Variants in FAM204A observed in about 807,000 individuals in gnomAD.
FAM204A encodes the protein family with sequence similarity 204 member A, also known as protein FAM204A.
A neutral mutation model predicts 35.4 loss-of-function variants in FAM204A; 16 were observed. The observed-to-expected ratio is 0.45, with a 90% CI of 0.31 to 0.69. The LOEUF is 0.69. Ranked by LOEUF, FAM204A falls within the 30% of genes least tolerant of loss-of-function variation. The pLI is 0.07. For synonymous variants in FAM204A, 76 were observed against 86.9 expected, an observed-to-expected ratio of 0.88 and a Z score of 0.70; for missense variants, 240 against 265.7, an observed-to-expected ratio of 0.90 and a Z score of 0.67.
At chr10:118,340,541 T>C (rs1313808128) in intron 2 of FAM204A, among the ~76,000 whole-genome samples, 2 of 152,198 alleles carry the variant, frequency 1.3e-5, no homozygotes, top group African/African-American at 2.4e-5. Context: ...CCATTCTCTC[T>C]AGCACTGCAA....
intron 6 of FAM204A, among the ~76,000 whole-genome samples, chr10:118,331,990 AT>A (rs1846296467): frequency 6.6e-6 from 1 of 151,020 alleles, no homozygotes; most frequent in African/African-American, 2.4e-5. Flanking sequence ...CCTGGCCAAT[AT>A]GGTGAATCCC....
At chr10:118,330,628 A>C (rs1846274120) in intron 6 of FAM204A, among the ~76,000 whole-genome samples, 1 of 152,204 alleles carries the variant, frequency 6.6e-6, no homozygotes, top group Admixed American at 6.5e-5. Context: ...TCTTTCTGAC[A>C]ATTTATTTAA....
intron 7 of FAM204A, among the ~76,000 whole-genome samples, chr10:118,315,188 T>TA (rs1412234147): frequency 1.3e-5 from 2 of 152,166 alleles, no homozygotes; most frequent in East Asian, 3.8e-4. Context: ...TTAGCGTGTG[T>TA]AAATCATATT....
chr10:118,340,831 C>A (rs558908757), intron 2 of FAM204A, among the ~76,000 whole-genome samples: 1 of 152,102 alleles, frequency 6.6e-6, no homozygotes, highest in Admixed American at 6.5e-5. Flanking sequence ...CCCCTACCCG[C>A]CCCGCCCCCA....
At chr10:118,330,676 C>T (rs1846274522) in intron 6 of FAM204A, among the ~76,000 whole-genome samples, 1 of 152,148 alleles carries the variant, frequency 6.6e-6, no homozygotes, top group Non-Finnish European at 1.5e-5. Flanking sequence ...TGAAAAACTC[C>T]TGGTTCCATG....
At chr10:118,316,872 G>A (rs1846040024) in intron 7 of FAM204A, among the ~76,000 whole-genome samples, 1 of 151,938 alleles carries the variant, frequency 6.6e-6, no homozygotes, top group Admixed American at 6.6e-5. Flanking sequence ...TCCAAAGGAG[G>A]GAGAAGATGA....
intron 7 of FAM204A, among the ~76,000 whole-genome samples, chr10:118,314,559 T>C (rs1846001405): frequency 6.6e-6 from 1 of 152,174 alleles, no homozygotes; most frequent in Non-Finnish European, 1.5e-5. Context: ...AATATCGTGC[T>C]GTGCTGCAGT....
chr10:118,322,944 G>A (rs960276482), intron 7 of FAM204A, among the ~76,000 whole-genome samples: 3 of 152,072 alleles, frequency 2.0e-5, no homozygotes, highest in Non-Finnish European at 2.9e-5. Flanking sequence ...CTAATAAGCA[G>A]AAAAAGATAA....
intron 2 of FAM204A, among the ~76,000 whole-genome samples, chr10:118,338,645 T>C (rs1846424677): frequency 1.3e-5 from 2 of 152,218 alleles, no homozygotes; most frequent in Admixed American, 6.5e-5. Flanking sequence ...GCTATACACA[T>C]AGCAAGTTTC....
intron 2 of FAM204A, among the ~76,000 whole-genome samples, chr10:118,337,960 C>G (rs1002070834): frequency 1.3e-5 from 2 of 152,160 alleles, no homozygotes; most frequent in East Asian, 1.9e-4. Context: ...GCAACTGATG[C>G]AATCATTTGC....
intron 7 of FAM204A, among the ~76,000 whole-genome samples, chr10:118,324,784 C>G (rs1333491294): frequency 1.3e-5 from 2 of 152,056 alleles, no homozygotes; most frequent in Non-Finnish European, 2.9e-5. Context: ...AATGTAAATG[C>G]ACTTAATTCT....
intron 3 of FAM204A, 106 bp from the exon 4 acceptor site, chr10:118,335,747 A>G: frequency 1.2e-6 from 1 of 853,146 alleles, no homozygotes. Context: ...GTGTATAAAG[A>G]TACCAATTTA....
chr10:118,320,288 TAAATA>T (rs962325871), intron 7 of FAM204A, among the ~76,000 whole-genome samples: 20 of 151,040 alleles, frequency 1.3e-4, no homozygotes, highest in East Asian at 1.9e-4. Flanking sequence ...CTTTATTTAT[TAAATA>T]AAATAAATTT....
chr10:118,311,847 G>C (rs182889450), intron 7 of FAM204A, among the ~76,000 whole-genome samples: 1 of 152,134 alleles, frequency 6.6e-6, no homozygotes, highest in Non-Finnish European at 1.5e-5. Context: ...AATTCACTGA[G>C]AGAAAAAAGA....
At chr10:118,322,557 A>T (rs761210652) in intron 7 of FAM204A, 13 of 230,486 alleles carry the variant, frequency 5.6e-5, no homozygotes, top group Admixed American at 2.5e-4. Context: ...ATTCCAGATT[A>T]AAAAAACTAA....
chr10:118,311,587 T>A (rs2133263862), intron 7 of FAM204A: 1 of 303,244 alleles, frequency 3.3e-6, no homozygotes, highest in East Asian at 6.6e-5. Context: ...AAGGTAGTAA[T>A]GAGGATCTTC....
chr10:118,335,492 T>C (rs1846368445), intron 4 of FAM204A, 62 bp downstream of exon 4: 1 of 1,598,292 alleles, frequency 6.3e-7, no homozygotes, highest in South Asian at 1.2e-5. Flanking sequence ...TTTAAAAAAA[T>C]GGTTAAACTC....
rs1320318653 is a variant in FAM204A at position 118,300,771 on chromosome 10, A to G, written c.*10086T>C. 1 of 152,178 alleles carries G rather than the reference A, an allele frequency of 6.6e-6. No individual in the cohort carries two copies. Among genetic ancestry groups the G allele is most frequent in the African/African-American group, 2.4e-5 (1 of 41,418 alleles). 9.4% of individuals were successfully genotyped at this position (152,178 alleles called of 1,614,324 possible). A position where few individuals can be genotyped will look rare whatever the true frequency, so the allele number is the denominator to read the frequency against. ...TCCAAGGAAAGCAGCTTCCACCTGA[A>G]AGGAAGTACAGTACTGGGGCCTTAC... is the stretch of plus-strand genomic sequence containing the variant. On this transcript the variant is annotated 3_prime_UTR_variant, in exon 9 of 9. Coordinates refer to ENST00000369183, the MANE Select transcript of FAM204A (RefSeq NM_022063.3).
chr10:118,307,520 A>C lies in FAM204A; in HGVS notation c.*3337T>G, dbSNP rs2119780361. On this transcript the variant is annotated 3_prime_UTR_variant, in exon 9 of 9. Transcript: ENST00000369183. ...TTCACTAACTTCAAAATGAGATCTG[A>C]CATAACATCGGCTTGCCTCCTCAAA... The C allele has an allele frequency of 6.6e-6, 1 of 152,366 alleles. No homozygotes were observed. The highest frequency in any genetic ancestry group is 2.1e-4 in the South Asian group (1 of 4,830). The allele number at this position is 152,366 out of a possible 1,614,324, so 9.4% of individuals were successfully genotyped here. A position where few individuals can be genotyped will look rare whatever the true frequency, so the allele number is the denominator to read the frequency against.
Sources: allele counts gnomAD v4.1 joint callset (sites outside exome capture counted in the v4.1 genomes callset), GRCh38; gene constraint gnomAD v4.1.1; transcripts MANE v1.5; gene names NCBI Gene and HGNC (gene_info 2026-07-23, HGNC 2026-07-21).